Variants in SAMD5 observed in about 807,000 individuals in gnomAD.
The protein encoded by SAMD5 is sterile alpha motif domain-containing protein 5.
In SAMD5, 13 loss-of-function variants were observed where a neutral mutation model predicts 11.3. That is an observed-to-expected ratio of 1.15 (90% CI 0.75 to 1.83). The LOEUF (loss-of-function observed/expected upper bound fraction) is 1.83, where lower values mean the gene tolerates loss of function less well. SAMD5 is among the 40% of genes most tolerant of loss of function. SAMD5 has a pLI of 0.00. For synonymous variants in SAMD5, 129 were observed against 111.3 expected, an observed-to-expected ratio of 1.16 and a Z score of -1.00; for missense variants, 255 against 239.1, an observed-to-expected ratio of 1.07 and a Z score of -0.44.
intron 1 of SAMD5, among the ~76,000 whole-genome samples, chr6:147,615,838 C>T (rs1250576406): frequency 6.6e-6 from 1 of 152,086 alleles, no homozygotes; most frequent in Non-Finnish European, 1.5e-5. Flanking sequence ...TTACATTAAC[C>T]ACAGTTTGAA....
chr6:147,874,087 A>G, the SAMD5 span, among the ~76,000 whole-genome samples: 1 of 152,220 alleles, frequency 6.6e-6, no homozygotes, highest in South Asian at 2.1e-4. Context: ...TGAACATGAT[A>G]CTATGCTTAC....
rs1237226810 is a variant in SAMD5 at position 147,564,842 on chromosome 6, T to C, written c.*386T>C. On this transcript the variant is annotated 3_prime_UTR_variant, in exon 2 of 2. Transcript: ENST00000367474. Reference sequence around the variant, plus strand: ...TAACAAAAAGGTAGATTTCTGACAGTAAGTAGTAATTATATTATTTCCAAA... The same window carrying C: ...TAACAAAAAGGTAGATTTCTGACAGCAAGTAGTAATTATATTATTTCCAAA... The C allele has an allele frequency of 2.1e-6, 2 of 957,660 alleles. No homozygotes were observed. Among genetic ancestry groups the C allele is most frequent in the Non-Finnish European group, 2.5e-6 (2 of 803,218 alleles). The allele number at this position is 957,660 out of a possible 1,614,324, so 59.3% of individuals were successfully genotyped here. A position where few individuals can be genotyped will look rare whatever the true frequency, so the allele number is the denominator to read the frequency against.
intron 1 of SAMD5, among the ~76,000 whole-genome samples, chr6:147,520,352 C>T (rs1403376916): frequency 6.6e-6 from 1 of 152,138 alleles, no homozygotes; most frequent in Non-Finnish European, 1.5e-5. Context: ...AACTCCTGAC[C>T]TCAGGTGATC....
intron 1 of SAMD5, among the ~76,000 whole-genome samples, chr6:147,595,036 A>G (rs574337612): frequency 3.3e-5 from 5 of 152,274 alleles, no homozygotes; most frequent in South Asian, 2.1e-4. Context: ...CAGATGAAAA[A>G]CTTGCTGAAG....
At chr6:147,657,136 T>C (rs551821836) in intron 1 of SAMD5, among the ~76,000 whole-genome samples, 1 of 152,116 alleles carries the variant, frequency 6.6e-6, no homozygotes, top group Non-Finnish European at 1.5e-5. Flanking sequence ...TGAAAAAAGC[T>C]ATGTGCAAGA....
intron 1 of SAMD5, among the ~76,000 whole-genome samples, chr6:147,597,455 C>T (rs1414090707): frequency 6.6e-6 from 1 of 152,104 alleles, no homozygotes; most frequent in Non-Finnish European, 1.5e-5. Context: ...TGAGGTTATC[C>T]TTCTCACTCA....
chr6:147,623,745 T>G (rs1296164506), intron 1 of SAMD5, among the ~76,000 whole-genome samples: 1 of 152,268 alleles, frequency 6.6e-6, no homozygotes, highest in Non-Finnish European at 1.5e-5. Context: ...TACATTTAAG[T>G]AAGACTGAGC....
downstream of SAMD5, chr6:147,570,036 T>C (rs2128445245): frequency 1.0e-6 from 1 of 982,536 alleles, no homozygotes; most frequent in Admixed American, 6.1e-5. Context: ...CGCCTTGGCC[T>C]CTTTTGTAAT....
intron 1 of SAMD5, among the ~76,000 whole-genome samples, chr6:147,531,430 T>A (rs1583070509): frequency 6.6e-6 from 1 of 152,200 alleles, no homozygotes; most frequent in East Asian, 1.9e-4. Flanking sequence ...AATGGCTGTT[T>A]TAAATCTTCT....
chr6:147,552,113 A>C (rs1304787121), intron 1 of SAMD5, among the ~76,000 whole-genome samples: 1 of 152,142 alleles, frequency 6.6e-6, no homozygotes, highest in East Asian at 1.9e-4. Context: ...TTCCTGCAGA[A>C]ACTACAAGGG....
At chr6:147,772,689 C>G in the SAMD5 span, among the ~76,000 whole-genome samples, 2 of 152,166 alleles carry the variant, frequency 1.3e-5, no homozygotes, top group Non-Finnish European at 2.9e-5. Flanking sequence ...ACCTGTGTCT[C>G]TGAGTGTCCA....
At chr6:147,798,318 G>A in the SAMD5 span, among the ~76,000 whole-genome samples, 13 of 150,302 alleles carry the variant, frequency 8.6e-5, no homozygotes, top group Admixed American at 6.0e-4. Context: ...CCTTCATTTC[G>A]TTATGTACCC....
intron 1 of SAMD5, among the ~76,000 whole-genome samples, chr6:147,594,646 G>C (rs1015844086): frequency 5.3e-5 from 8 of 151,812 alleles, no homozygotes; most frequent in African/African-American, 1.5e-4. Context: ...CAGGAGGATG[G>C]AGCAGGGGGA....
At chr6:147,843,931 G>A in the SAMD5 span, among the ~76,000 whole-genome samples, 1 of 152,134 alleles carries the variant, frequency 6.6e-6, no homozygotes, top group South Asian at 2.1e-4. Flanking sequence ...CATTGGTCTG[G>A]ACAGTGATTT....
intron 1 of SAMD5, among the ~76,000 whole-genome samples, chr6:147,519,298 T>G (rs998503228): frequency 2.0e-5 from 3 of 152,198 alleles, no homozygotes; most frequent in African/African-American, 7.2e-5. Flanking sequence ...CACTTTTATA[T>G]GAAAATTTAC....
intron 1 of SAMD5, among the ~76,000 whole-genome samples, chr6:147,527,287 G>T (rs1389031169): frequency 1.3e-5 from 2 of 152,134 alleles, no homozygotes; most frequent in Non-Finnish European, 2.9e-5. Context: ...TGCTTCCAGG[G>T]AGGCCTCAGA....
chr6:147,906,998 C>G, the SAMD5 span, among the ~76,000 whole-genome samples: 1 of 152,178 alleles, frequency 6.6e-6, no homozygotes, highest in Admixed American at 6.5e-5. Flanking sequence ...TTTTACAGAA[C>G]ATTTTGATGC....
At chr6:147,545,852 G>A (rs904842309) in intron 1 of SAMD5, among the ~76,000 whole-genome samples, 4 of 152,206 alleles carry the variant, frequency 2.6e-5, no homozygotes, top group Middle Eastern at 3.4e-3. Context: ...AGTGTATTAG[G>A]ATAGGAATTT....
intron 1 of SAMD5, among the ~76,000 whole-genome samples, chr6:147,701,280 A>G (rs1050623284): frequency 6.6e-6 from 1 of 152,184 alleles, no homozygotes; most frequent in Non-Finnish European, 1.5e-5. Flanking sequence ...AATATAAAAA[A>G]TTATATATAA....
Sources: allele counts gnomAD v4.1 joint callset (sites outside exome capture counted in the v4.1 genomes callset), GRCh38; gene constraint gnomAD v4.1.1; transcripts MANE v1.5; gene names NCBI Gene and HGNC (gene_info 2026-07-23, HGNC 2026-07-21).